The following KIF16B variants were observed in gnomAD, a reference collection of about 807,000 sequenced individuals.
The protein encoded by KIF16B is kinesin family member 16B, also known as kinesin-like protein KIF16B.
In KIF16B, 98 loss-of-function variants were observed where a neutral mutation model predicts 156.3. The ratio of observed to expected loss-of-function variants is 0.63; its 90% confidence interval spans 0.53 to 0.74. KIF16B has a LOEUF of 0.74. Among genes scored for constraint, KIF16B ranks in the 30% least tolerant of loss-of-function variants. The pLI, the probability that KIF16B is intolerant of heterozygous loss-of-function variation, is 0.00. For synonymous variants in KIF16B, 564 were observed against 583.7 expected (o/e 0.97, Z 0.49); for missense variants, 1,421 against 1,606.5 (o/e 0.88, Z 1.97).
At position 16,491,297 on chromosome 20, in the gene KIF16B, G is replaced by A. The variant is rs184572092; in HGVS notation, c.1302+2994C>T. On this transcript the variant is annotated intron_variant, in intron 12 of 25. Coordinates refer to ENST00000354981, the MANE Select transcript of KIF16B (RefSeq NM_024704.5). ...GGGTGGTGGGCACAGAAAGAACTGT[G>A]CTAGGACAGATGATACCGACAAGGA... Among the ~76,000 whole-genome samples, 33 of 152,310 alleles carry A rather than the reference G, an allele frequency of 2.2e-4. No individual in the cohort carries two copies. The East Asian group carries it at 4.6e-3, about 21-fold the overall frequency.
chr20:16,291,491 G>C (rs6043872), intron 25 of KIF16B, among the ~76,000 whole-genome samples: 51,556 of 152,098 alleles, frequency 0.34, 8,896 homozygotes, highest in African/African-American at 0.41. Flanking sequence ...AAACTTTTAG[G>C]ACGAGTGACT....
chr20:16,368,134 C>T (rs1357711679), intron 22 of KIF16B: 1 of 1,171,556 alleles, frequency 8.5e-7, no homozygotes, highest in Non-Finnish European at 1.1e-6. Context: ...AGTCACATGC[C>T]TAAGAAGGTC....
chr20:16,291,986 A>T (rs1187706977), intron 25 of KIF16B, among the ~76,000 whole-genome samples: 1 of 152,192 alleles, frequency 6.6e-6, no homozygotes, highest in Admixed American at 6.5e-5. Flanking sequence ...GCTAAAGAAA[A>T]ATCCACTGAG....
chr20:16,412,370 C>A (rs927892596), intron 15 of KIF16B, among the ~76,000 whole-genome samples: 2 of 152,078 alleles, frequency 1.3e-5, no homozygotes, highest in African/African-American at 4.8e-5. Flanking sequence ...ACAGGCAACT[C>A]TTTCAAGAAG....
intron 25 of KIF16B, among the ~76,000 whole-genome samples, chr20:16,300,956 C>T (rs575812699): frequency 2.6e-5 from 4 of 152,168 alleles, no homozygotes; most frequent in Non-Finnish European, 4.4e-5. Flanking sequence ...AGTAGCTTTA[C>T]TGCCTTAAAA....
chr20:16,503,783 T>G (rs2068691315), intron 10 of KIF16B, among the ~76,000 whole-genome samples: 1 of 152,124 alleles, frequency 6.6e-6, no homozygotes, highest in South Asian at 2.1e-4. Flanking sequence ...ATCAGGAAGC[T>G]TACTGAGAAA....
rs374995349 is a variant in KIF16B, at chr20:16,382,935, TTC to T, written c.1785-1190_1785-1189del. Among the ~76,000 whole-genome samples, 43 of 152,326 alleles carry T rather than the reference TTC, an allele frequency of 2.8e-4. No individual in the cohort carries two copies. The East Asian group carries it at 8.1e-3, about 29-fold the overall frequency. ...TCATGAGTGAACAAACTTCAAATAG[TTC>T]TCTTTCCAATTTAATAATGTGGAGT... On this transcript the variant is annotated intron_variant, in intron 17 of 25. Coordinates refer to ENST00000354981, the MANE Select transcript of KIF16B (RefSeq NM_024704.5).
chr20:16,525,364 C>A (rs1315030080), intron 3 of KIF16B, among the ~76,000 whole-genome samples: 1 of 152,088 alleles, frequency 6.6e-6, no homozygotes, highest in Admixed American at 6.6e-5. Context: ...ATGAAGCCTG[C>A]GTTTTTCCTT....
At chr20:16,318,072 C>T (rs772241120) in intron 24 of KIF16B, among the ~76,000 whole-genome samples, 3 of 152,006 alleles carry the variant, frequency 2.0e-5, no homozygotes, top group Admixed American at 6.5e-5. Flanking sequence ...AAGTGGTCTG[C>T]GCATGCCATA....
intron 25 of KIF16B, among the ~76,000 whole-genome samples, chr20:16,297,463 C>T (rs533843471): frequency 3.9e-5 from 6 of 152,134 alleles, no homozygotes; most frequent in Non-Finnish European, 7.3e-5. Flanking sequence ...GAGGCTGAGG[C>T]GGGCACATCA....
At chr20:16,472,273 A>C (rs190366447) in intron 12 of KIF16B, among the ~76,000 whole-genome samples, 1 of 152,346 alleles carries the variant, frequency 6.6e-6, no homozygotes, top group East Asian at 1.9e-4. Context: ...TTCTTCACAG[A>C]AAGTCTGCCA....
chr20:16,430,492 A>G (rs2066468745), intron 12 of KIF16B, among the ~76,000 whole-genome samples: 1 of 152,094 alleles, frequency 6.6e-6, no homozygotes, highest in South Asian at 2.1e-4. Context: ...ATTAATATGA[A>G]TCTGCTATTC....
chr20:16,306,763 C>T (rs189224289), intron 25 of KIF16B, among the ~76,000 whole-genome samples: 129 of 152,232 alleles, frequency 8.5e-4, no homozygotes, highest in Non-Finnish European at 1.6e-3. Flanking sequence ...TCACCATCAC[C>T]ACCACCACAA....
chr20:16,312,203 C>A (rs2063629435), intron 25 of KIF16B, 132 bp downstream of exon 25: 1 of 610,706 alleles, frequency 1.6e-6, no homozygotes, highest in Non-Finnish European at 2.9e-6. Context: ...CTACTGCTGC[C>A]ATCTCCTGTG....
intron 20 of KIF16B, among the ~76,000 whole-genome samples, chr20:16,372,717 GAC>G (rs1240160950): frequency 6.6e-6 from 1 of 152,178 alleles, no homozygotes; most frequent in Admixed American, 6.5e-5. Context: ...TTATTTTTGA[GAC>G]AGAGTCTCGC....
intron 14 of KIF16B, among the ~76,000 whole-genome samples, chr20:16,428,182 G>T (rs549192896): frequency 6.6e-6 from 1 of 152,196 alleles, no homozygotes; most frequent in African/African-American, 2.4e-5. Context: ...ATATTAGGTT[G>T]GTGCAAAAGT....
intron 12 of KIF16B, among the ~76,000 whole-genome samples, chr20:16,438,564 G>A (rs2066709940): frequency 6.6e-6 from 1 of 152,112 alleles, no homozygotes; most frequent in Non-Finnish European, 1.5e-5. Context: ...ACAAGCGGGG[G>A]CCTATTGTAT....
At chr20:16,465,631 T>C (rs763650350) in intron 12 of KIF16B, among the ~76,000 whole-genome samples, 8 of 152,248 alleles carry the variant, frequency 5.3e-5, no homozygotes, top group Non-Finnish European at 7.3e-5. Context: ...AAATCACTTG[T>C]AGGTCTTCCA....
chr20:16,528,111 G>A (rs550835016), intron 2 of KIF16B, among the ~76,000 whole-genome samples: 4 of 152,268 alleles, frequency 2.6e-5, no homozygotes, highest in African/African-American at 7.2e-5. Context: ...CCGAATCTGG[G>A]ATAGACTCAG....
Sources: allele counts gnomAD v4.1 joint callset (sites outside exome capture counted in the v4.1 genomes callset), GRCh38; gene constraint gnomAD v4.1.1; transcripts MANE v1.5; gene names NCBI Gene and HGNC (gene_info 2026-07-23, HGNC 2026-07-21).